TOX: variants seen among roughly 807,000 people sequenced by gnomAD.
TOX encodes the protein thymocyte selection-associated high mobility group box protein TOX.
TOX carries 11 observed loss-of-function variants against 53.7 expected under a neutral mutation model. That is an observed-to-expected ratio of 0.20 (90% CI 0.13 to 0.34). The LOEUF (loss-of-function observed/expected upper bound fraction) is 0.34. Among genes scored for constraint, TOX ranks in the 10% least tolerant of loss-of-function variants. The pLI, the probability that TOX is intolerant of heterozygous loss-of-function variation, is 1.00. For missense variants in TOX, 570 were observed against 664.6 expected (o/e 0.86, Z 1.56); for synonymous variants, 225 against 245.3 (o/e 0.92, Z 0.77).
Position 58,826,900 on chromosome 8 carries a change from G to C in TOX, c.927C>G (p.Val309=), listed in dbSNP as rs200546698. Residue 309 remains valine, a splice_region_variant and synonymous_variant, in exon 6 of 9, where the codon GTC becomes GTG. Transcript: ENST00000361421. The part of the protein sequence containing the change: ...WDGLGEEQKQ[V]YKKKTEAAKK... ...TCGCAGCCTCGGTTTTCTTTTTATA[G>C]ACCTGCAACAACAGCAAAGAGTCTT... The C allele has an allele frequency of 6.2e-7, 1 of 1,610,794 alleles. No homozygotes were observed. Among genetic ancestry groups the C allele is most frequent in the Non-Finnish European group, 8.5e-7 (1 of 1,178,656 alleles).
At chr8:58,879,521 C>T (rs1811346472) in intron 3 of TOX, among the ~76,000 whole-genome samples, 1 of 117,910 alleles carries the variant, frequency 8.5e-6, no homozygotes, top group Non-Finnish European at 1.6e-5. Context: ...GAAGTAAAAA[C>T]ATATTTTTAG....
intron 1 of TOX, among the ~76,000 whole-genome samples, chr8:58,973,153 A>T (rs1210392398): frequency 6.6e-6 from 1 of 152,222 alleles, no homozygotes; most frequent in Admixed American, 6.5e-5. Flanking sequence ...AGAAAGTGAT[A>T]TAGTACCTAT....
intron 1 of TOX, among the ~76,000 whole-genome samples, chr8:59,069,102 AAG>A (rs1804146830): frequency 6.6e-6 from 1 of 152,190 alleles, no homozygotes; most frequent in Non-Finnish European, 1.5e-5. Context: ...CAAGCCTTGC[AAG>A]AGAGTTGACA....
At chr8:59,040,057 C>A (rs1339724387) in intron 1 of TOX, among the ~76,000 whole-genome samples, 4 of 152,148 alleles carry the variant, frequency 2.6e-5, no homozygotes, top group African/African-American at 9.7e-5. Flanking sequence ...CGGCCGGGCG[C>A]GGCGGCTCAC....
chr8:59,096,195 A>T (rs777852462), intron 1 of TOX, among the ~76,000 whole-genome samples: 1 of 152,266 alleles, frequency 6.6e-6, no homozygotes, highest in Admixed American at 6.5e-5. Flanking sequence ...CTGATGAAAC[A>T]GACTAACATT....
At chr8:59,032,018 A>G (rs1308276082) in intron 1 of TOX, among the ~76,000 whole-genome samples, 1 of 152,170 alleles carries the variant, frequency 6.6e-6, no homozygotes, top group Admixed American at 6.5e-5. Context: ...TTCTGGGTGA[A>G]AAAGGGATGG....
intron 4 of TOX, among the ~76,000 whole-genome samples, chr8:58,841,775 T>C (rs1346566527): frequency 1.3e-5 from 2 of 152,204 alleles, no homozygotes; most frequent in East Asian, 3.8e-4. Context: ...TTTAAATACA[T>C]ACAATTTTAT....
At chr8:58,992,379 A>G (rs1563411468) in intron 1 of TOX, among the ~76,000 whole-genome samples, 1 of 151,600 alleles carries the variant, frequency 6.6e-6, no homozygotes, top group Admixed American at 6.6e-5. Flanking sequence ...GTACAGATTT[A>G]TTTTTTTTTC....
At chr8:58,810,517 G>A (rs1329634578) in intron 7 of TOX, among the ~76,000 whole-genome samples, 1 of 151,346 alleles carries the variant, frequency 6.6e-6, no homozygotes, top group Non-Finnish European at 1.5e-5. Context: ...ATTTTTTTTG[G>A]TGTGCGTGTA....
chr8:58,839,508 G>T (rs1563366817), intron 4 of TOX, among the ~76,000 whole-genome samples: 1 of 152,152 alleles, frequency 6.6e-6, no homozygotes. Context: ...ACATATTTAA[G>T]ATGGCTGCAT....
chr8:58,852,203 T>C (rs1810836444), intron 3 of TOX, among the ~76,000 whole-genome samples: 1 of 152,184 alleles, frequency 6.6e-6, no homozygotes, highest in Admixed American at 6.6e-5. Flanking sequence ...TCAAAATTAT[T>C]CAATTATTAG....
At chr8:58,977,955 G>A (rs1012810456) in intron 1 of TOX, among the ~76,000 whole-genome samples, 2 of 152,186 alleles carry the variant, frequency 1.3e-5, no homozygotes, top group African/African-American at 2.4e-5. Flanking sequence ...TGAGCACATG[G>A]TGTTGTTAGA....
At chr8:59,089,567 C>A (rs181833262) in intron 1 of TOX, among the ~76,000 whole-genome samples, 26 of 152,292 alleles carry the variant, frequency 1.7e-4, no homozygotes, top group East Asian at 1.3e-3. Context: ...AAACGCAAGG[C>A]TGACTTAATC....
intron 2 of TOX, among the ~76,000 whole-genome samples, chr8:58,958,552 G>A (rs1417412117): frequency 6.6e-6 from 1 of 152,156 alleles, no homozygotes; most frequent in East Asian, 1.9e-4. Context: ...ATGGTTAGAA[G>A]AAAATTAATA....
chr8:59,002,062 C>T (rs1585955764), intron 1 of TOX, among the ~76,000 whole-genome samples: 1 of 149,960 alleles, frequency 6.7e-6, no homozygotes, highest in East Asian at 2.0e-4. Context: ...GCAACCTCCG[C>T]CTCCCAAATT....
At chr8:58,885,289 A>G (rs1811447412) in intron 3 of TOX, among the ~76,000 whole-genome samples, 1 of 152,132 alleles carries the variant, frequency 6.6e-6, no homozygotes, top group African/African-American at 2.4e-5. Context: ...AATCACCTTA[A>G]TGTATAGTTT....
chr8:58,839,981 T>C (rs1810616612), intron 4 of TOX, among the ~76,000 whole-genome samples: 1 of 152,246 alleles, frequency 6.6e-6, no homozygotes, highest in Admixed American at 6.5e-5. Flanking sequence ...GGTGCCATTT[T>C]ATAATGACTA....
intron 3 of TOX, among the ~76,000 whole-genome samples, chr8:58,881,688 C>T (rs1297418615): frequency 1.4e-5 from 2 of 140,436 alleles, no homozygotes; most frequent in East Asian, 2.2e-4. Context: ...CACACCACTG[C>T]ACTCCAGTTT....
chr8:58,923,246 A>G (rs1271455960), intron 3 of TOX, among the ~76,000 whole-genome samples: 5 of 152,208 alleles, frequency 3.3e-5, no homozygotes, highest in African/African-American at 9.7e-5. Context: ...GATCACTGCT[A>G]TAATCCACAA....
Sources: gnomAD v4.1 joint callset for allele counts (sites outside exome capture counted in the v4.1 genomes callset) on GRCh38, gnomAD v4.1.1 for gene constraint, MANE v1.5 for transcripts, NCBI Gene and HGNC (gene_info 2026-07-23, HGNC 2026-07-21) for gene names.